The following PLAT variants were observed in gnomAD, a reference collection of about 807,000 sequenced individuals.
The protein encoded by PLAT is tissue-type plasminogen activator.
In PLAT, 48 loss-of-function variants were observed where a neutral mutation model predicts 74.9. The ratio of observed to expected loss-of-function variants is 0.64; its 90% CI spans 0.51 to 0.82. The LOEUF (loss-of-function observed/expected upper bound fraction) is 0.82, where lower values mean the gene tolerates loss of function less well. Ranked by LOEUF, PLAT falls within the 40% of genes least tolerant of loss-of-function variation. The pLI is 0.00. For synonymous variants in PLAT, 307 were observed against 294.4 expected (o/e 1.04, Z -0.44); for missense variants, 673 against 736.2 (o/e 0.91, Z 0.99).
In PLAT at chr8:42,175,886, T is replaced by G; in HGVS notation, c.*107A>C. The G allele has an allele frequency of 9.6e-7, 1 of 1,037,878 alleles. No homozygotes were observed. Among genetic ancestry groups the G allele is most frequent in the Non-Finnish European group, 1.4e-6 (1 of 689,776 alleles). The allele number at this position is 1,037,878 out of a possible 1,614,324, so 64.3% of individuals were successfully genotyped here. A position where few individuals can be genotyped will look rare whatever the true frequency, so the allele number is the denominator to read the frequency against. On this transcript the variant is annotated 3_prime_UTR_variant, in exon 14 of 14. Transcript: ENST00000220809. ...GTAGGGTCTCGTCCCGCTTCTGCGG[T>G]GTGGTGGGTCTGGAGAAGTCTGTAG...
chr8:42,178,264 CTTTTT>C (rs5891180), intron 13 of PLAT, among the ~76,000 whole-genome samples: 1 of 110,072 alleles, frequency 9.1e-6, no homozygotes. Flanking sequence ...ACATTTCTTT[CTTTTT>C]TTTTTTTTTT....
Position 42,175,940 on chromosome 8 carries a change from T to G in PLAT, c.*53A>C. Reference sequence around the variant, plus strand: ...AGCACTGCGCCTTTGCAGTGTCTTCTGAAGAAGAAGAGGCGGGATCTCATT... The same window carrying G: ...AGCACTGCGCCTTTGCAGTGTCTTCGGAAGAAGAAGAGGCGGGATCTCATT... On this transcript the variant is annotated 3_prime_UTR_variant, in exon 14 of 14. Coordinates refer to ENST00000220809, the MANE Select transcript of PLAT (RefSeq NM_000930.5). 1 of 1,593,630 alleles carries G rather than the reference T, an allele frequency of 6.3e-7. No homozygotes were observed. Among genetic ancestry groups the G allele is most frequent in the African/African-American group, 1.3e-5 (1 of 74,768 alleles).
At chr8:42,187,850 G>A (rs540522116) in intron 5 of PLAT, 56 bp downstream of exon 5, 36 of 1,195,358 alleles carry the variant, frequency 3.0e-5, no homozygotes, top group African/African-American at 7.5e-5. Context: ...TTCCGGGGGC[G>A]GGGGAGACTG....
chr8:42,202,310 C>T (rs1266330286), intron 1 of PLAT, among the ~76,000 whole-genome samples: 1 of 152,060 alleles, frequency 6.6e-6, no homozygotes, highest in Non-Finnish European at 1.5e-5. Flanking sequence ...GCTGGGATTA[C>T]AGGCAGGAGC....
At chr8:42,177,846 A>C (rs1345420150) in intron 13 of PLAT, among the ~76,000 whole-genome samples, 1 of 152,222 alleles carries the variant, frequency 6.6e-6, no homozygotes, top group Non-Finnish European at 1.5e-5. Context: ...CGCCGATATG[A>C]CTGCCTTGCG....
At chr8:42,183,546 G>A (rs1564128550) in intron 7 of PLAT, among the ~76,000 whole-genome samples, 1 of 152,136 alleles carries the variant, frequency 6.6e-6, no homozygotes, top group Non-Finnish European at 1.5e-5. Context: ...GGGCTGGGGT[G>A]GGGGTTATTT....
intron 1 of PLAT, chr8:42,206,841 C>A (rs1806358761): frequency 6.6e-6 from 1 of 152,264 alleles, no homozygotes; most frequent in Admixed American, 6.5e-5. Context: ...GGACTGCACA[C>A]TTGACTGATG....
chr8:42,196,480 C>A (rs529724898), intron 1 of PLAT, among the ~76,000 whole-genome samples: 1 of 152,284 alleles, frequency 6.6e-6, no homozygotes, highest in African/African-American at 2.4e-5. Flanking sequence ...GTCATCCGGC[C>A]AGCAGAAAAA....
rs1282581788 is a variant in PLAT at position 42,180,272 on chromosome 8, A to C, written c.1192T>G (p.Phe398Val). 6.2e-7 allele frequency: 1 copy of C among 1,614,096 alleles called. No homozygotes were observed. The highest frequency in any genetic ancestry group is 8.5e-7 in the Non-Finnish European group (1 of 1,180,032). ...TCATTGTCGTAAGTGTCATCATCGA[A>C]TTCCTTATGGACAATGTATTTTTCG... ...EVEKYIVHKE[F>V]DDDTYDNDIA... The change falls in exon 11 of 14, where the codon TTC (phenylalanine) becomes GTC (valine). Residue 398 changes from phenylalanine to valine, a missense_variant. Phe to Val is a conservative substitution (Grantham distance 50, BLOSUM62 -1). Transcript: ENST00000220809.
intron 2 of PLAT, among the ~76,000 whole-genome samples, chr8:42,191,826 G>A (rs1428580686): frequency 6.6e-6 from 1 of 151,952 alleles, no homozygotes; most frequent in Non-Finnish European, 1.5e-5. Flanking sequence ...CAGTCACCTG[G>A]CTCTCCCCGC....
chr8:42,185,044 G>T, intron 7 of PLAT, 37 bp downstream of exon 7: 1 of 1,412,706 alleles, frequency 7.1e-7, no homozygotes, highest in Non-Finnish European at 9.8e-7. Context: ...TCCTCCCCCA[G>T]GGACATTCAG....
intron 8 of PLAT, 33 bp downstream of exon 8, chr8:42,182,686 A>G (rs2129717998): frequency 6.5e-7 from 1 of 1,546,150 alleles, no homozygotes; most frequent in Non-Finnish European, 8.8e-7. Context: ...ACGTTCTGCC[A>G]AGACCTGAAC....
Position 42,181,987 on chromosome 8 carries a change from A to C in PLAT, c.839T>G (p.Val280Gly), listed in dbSNP as rs1564127678. 1 of 1,612,568 alleles carries C rather than the reference A, an allele frequency of 6.2e-7. No individual in the cohort carries two copies. Among genetic ancestry groups the C allele is most frequent in the Non-Finnish European group, 8.5e-7 (1 of 1,178,524 alleles). The change falls in exon 9 of 14, where the codon GTG becomes GGG. Residue 280 changes from valine to glycine, a missense_variant. Physicochemically the swap from Val to Gly is moderately radical, Grantham distance 109. Transcript: ENST00000220809. The stretch of plus-strand genomic sequence containing the variant: ...CCACGTCAGCCTGCGGTTCTTCAGC[A>C]CGTGGCACCAGGGCTTGGCATCCCC... ...PDGDAKPWCHVLKNRRLTWEY... is the reference protein window; with the variant it reads ...PDGDAKPWCHGLKNRRLTWEY...
chr8:42,191,436 A>G lies in PLAT; in HGVS notation c.73-22T>C. On this transcript the variant is annotated intron_variant, in intron 2 of 13. Transcript: ENST00000220809. ...TTTCCTGCGAAGAAACCAGAGGTGG[A>G]GGAAGGATCAGCACATGCCAGGTGT... 2.5e-6 allele frequency: 4 copies of G among 1,612,844 alleles called. No individual in the cohort carries two copies. In the South Asian group the frequency reaches 4.4e-5, roughly 18 times the overall value.
Position 42,188,944 on chromosome 8 carries a change from C to CACTG in PLAT, c.239_242dup (p.Pro82SerfsTer40). The CACTG allele has an allele frequency of 6.2e-7, 1 of 1,613,418 alleles. No homozygotes were observed. Among genetic ancestry groups the CACTG allele is most frequent in the Non-Finnish European group, 8.5e-7 (1 of 1,179,560 alleles). ...AGCCTCAGTACATACTTTTGACAGG[C>CACTG]ACTGAGTGGCACTGTGCCCTGCCAC... On this transcript the variant is annotated frameshift_variant, in exon 4 of 14. Coordinates refer to ENST00000220809, the MANE Select transcript of PLAT (RefSeq NM_000930.5). LOFTEE classifies it high-confidence loss of function.
chr8:42,182,240 C>A, intron 8 of PLAT: 1 of 454,482 alleles, frequency 2.2e-6, no homozygotes, highest in South Asian at 2.1e-5. Context: ...ACATCACAGG[C>A]CATGTAAGAG....
At chr8:42,196,976 T>C (rs1198519558) in intron 1 of PLAT, among the ~76,000 whole-genome samples, 1 of 152,086 alleles carries the variant, frequency 6.6e-6, no homozygotes, top group Non-Finnish European at 1.5e-5. Flanking sequence ...GAATCCAGAA[T>C]CACTGTATGA....
chr8:42,194,237 AGAGAGTGTGTGTGTGTGT>A (rs1341014615), intron 1 of PLAT, among the ~76,000 whole-genome samples: 13 of 60,644 alleles, frequency 2.1e-4, no homozygotes, highest in South Asian at 6.6e-4. Context: ...AGAGAGAGAG[AGAGAGTGTGTGTGTGTGT>A]GTGTGTGTGT....
At chr8:42,186,437 T>C (rs534539266) in intron 6 of PLAT, 1 of 152,318 alleles carries the variant, frequency 6.6e-6, no homozygotes, top group East Asian at 1.9e-4. Flanking sequence ...CTTTTGTCTC[T>C]TATCTACCTA....
Sources: allele counts gnomAD v4.1 joint callset (sites outside exome capture counted in the v4.1 genomes callset), GRCh38; gene constraint gnomAD v4.1.1; transcripts MANE v1.5; gene names NCBI Gene and HGNC (gene_info 2026-07-23, HGNC 2026-07-21).